ZNF423: variants seen among roughly 807,000 people sequenced by gnomAD.
The protein encoded by ZNF423 is zinc finger protein 423.
A neutral mutation model predicts 95.8 loss-of-function variants in ZNF423; 12 were observed. That is an observed-to-expected ratio of 0.13 (90% CI 0.08 to 0.20). The LOEUF is 0.20. ZNF423 is among the 10% of genes least tolerant of loss of function. The pLI is 1.00. For synonymous variants in ZNF423, 749 were observed against 711.9 expected, an observed-to-expected ratio of 1.05 and a Z score of -0.83; for missense variants, 1,316 against 1,737.1, an observed-to-expected ratio of 0.76 and a Z score of 4.31.
At chr16:49,616,080 A>G (rs964135805) in intron 5 of ZNF423, among the ~76,000 whole-genome samples, 2 of 152,170 alleles carry the variant, frequency 1.3e-5, no homozygotes, top group Non-Finnish European at 2.9e-5. Context: ...CCCACCAGAC[A>G]CTATGCTCTG....
At chr16:49,734,293 T>C (rs991387815) in intron 2 of ZNF423, among the ~76,000 whole-genome samples, 1 of 152,172 alleles carries the variant, frequency 6.6e-6, no homozygotes, top group African/African-American at 2.4e-5. Context: ...AACTGGTCCC[T>C]GTCCTGAGTC....
At chr16:49,742,727 T>C (rs59953785) in intron 2 of ZNF423, among the ~76,000 whole-genome samples, 3,373 of 152,242 alleles carry the variant, frequency 0.022, 121 homozygotes, top group African/African-American at 0.077. Flanking sequence ...CTGACACTCC[T>C]AATTGCTCTC....
At chr16:49,555,217 T>C (rs548313184) in intron 5 of ZNF423, among the ~76,000 whole-genome samples, 352 of 152,354 alleles carry the variant, frequency 2.3e-3, no homozygotes, top group African/African-American at 8.1e-3. Flanking sequence ...CCTATGTCAG[T>C]AGGTCCCTCC....
intron 1 of ZNF423, among the ~76,000 whole-genome samples, chr16:49,852,789 C>G (rs1192560493): frequency 6.6e-5 from 10 of 151,980 alleles, no homozygotes; most frequent in Admixed American, 6.6e-4. Flanking sequence ...AACCCCCTTC[C>G]CTATTTACTA....
At chr16:49,497,806 G>A (rs1967223635) in intron 7 of ZNF423, among the ~76,000 whole-genome samples, 1 of 152,236 alleles carries the variant, frequency 6.6e-6, no homozygotes, top group African/African-American at 2.4e-5. Flanking sequence ...AGGCTGAAGT[G>A]GCAGCCATGT....
chr16:49,622,453 G>A (rs540637024), intron 5 of ZNF423, among the ~76,000 whole-genome samples: 4 of 151,632 alleles, frequency 2.6e-5, no homozygotes, highest in Non-Finnish European at 5.9e-5. Context: ...GCTATAGGCA[G>A]TGGCTCATCA....
intron 5 of ZNF423, among the ~76,000 whole-genome samples, chr16:49,547,772 G>C (rs968770348): frequency 1.3e-5 from 2 of 152,232 alleles, no homozygotes; most frequent in African/African-American, 2.4e-5. Context: ...GACGATAATG[G>C]CTTTAGGAGG....
intron 1 of ZNF423, chr16:49,854,491 G>T (rs775304922): frequency 5.1e-6 from 5 of 985,346 alleles, no homozygotes; most frequent in Non-Finnish European, 6.0e-6. Flanking sequence ...GAACTTTTCA[G>T]AGCAGAACTG....
intron 2 of ZNF423, among the ~76,000 whole-genome samples, chr16:49,781,744 G>A (rs1053089135): frequency 6.6e-6 from 1 of 152,194 alleles, no homozygotes; most frequent in Non-Finnish European, 1.5e-5. Flanking sequence ...CAGGGGATGA[G>A]GCTGTCGCCT....
chr16:49,783,263 G>A (rs2034244539), intron 2 of ZNF423, among the ~76,000 whole-genome samples: 1 of 151,108 alleles, frequency 6.6e-6, no homozygotes, highest in African/African-American at 2.4e-5. Flanking sequence ...GGGTGGGAGA[G>A]GGGGTGATTA....
At chr16:49,760,770 C>T (rs1019893713) in intron 2 of ZNF423, among the ~76,000 whole-genome samples, 2 of 152,042 alleles carry the variant, frequency 1.3e-5, no homozygotes, top group African/African-American at 4.8e-5. Flanking sequence ...AAGTCTCCCC[C>T]TGAGACTCAG....
chr16:49,653,055 C>T (rs1973471981), intron 3 of ZNF423, among the ~76,000 whole-genome samples: 1 of 152,166 alleles, frequency 6.6e-6, no homozygotes, highest in Non-Finnish European at 1.5e-5. Flanking sequence ...TAATAACTCA[C>T]CCTATTGCTG....
intron 2 of ZNF423, among the ~76,000 whole-genome samples, chr16:49,753,811 A>G (rs1405518466): frequency 6.6e-6 from 1 of 151,970 alleles, no homozygotes; most frequent in African/African-American, 2.4e-5. Context: ...CGGGCGGATC[A>G]CCTGAGGTCA....
chr16:49,818,850 G>GTACT (rs1334606147), intron 1 of ZNF423, among the ~76,000 whole-genome samples: 1 of 152,132 alleles, frequency 6.6e-6, no homozygotes, highest in Non-Finnish European at 1.5e-5. Flanking sequence ...CCATGCCAGT[G>GTACT]TACTCCAGCT....
chr16:49,517,824 T>C (rs938338581), intron 7 of ZNF423: 5 of 391,546 alleles, frequency 1.3e-5, no homozygotes, highest in Admixed American at 1.0e-4. Context: ...CTGAGATAGA[T>C]ATGCTGCTTA....
chr16:49,669,834 AC>A (rs2030726274), intron 3 of ZNF423, among the ~76,000 whole-genome samples: 1 of 151,358 alleles, frequency 6.6e-6, no homozygotes, highest in African/African-American at 2.4e-5. Flanking sequence ...CCTCCCTTCT[AC>A]TCTACTCCAA....
intron 2 of ZNF423, among the ~76,000 whole-genome samples, chr16:49,738,955 G>A (rs1248892484): frequency 2.0e-5 from 3 of 152,100 alleles, no homozygotes; most frequent in African/African-American, 7.2e-5. Context: ...ATGGAACCAA[G>A]TTGTTGAAAT....
intron 3 of ZNF423, among the ~76,000 whole-genome samples, chr16:49,698,976 C>T (rs1300014230): frequency 1.3e-5 from 2 of 152,198 alleles, no homozygotes; most frequent in Non-Finnish European, 2.9e-5. Flanking sequence ...AAAATACTTC[C>T]CCAGACAGAG....
chr16:49,556,463 G>A (rs1242936069), intron 5 of ZNF423, among the ~76,000 whole-genome samples: 5 of 152,134 alleles, frequency 3.3e-5, no homozygotes, highest in African/African-American at 4.8e-5. Flanking sequence ...ACGTGAGAGC[G>A]GAGATTTCTG....
Sources: gnomAD v4.1 joint callset for allele counts (sites outside exome capture counted in the v4.1 genomes callset) on GRCh38, gnomAD v4.1.1 for gene constraint, MANE v1.5 for transcripts, NCBI Gene and HGNC (gene_info 2026-07-23, HGNC 2026-07-21) for gene names.